MILR1: variants seen among roughly 807,000 people sequenced by gnomAD.
MILR1 encodes the protein allergin-1.
A neutral mutation model predicts 18.5 loss-of-function variants in MILR1; 31 were observed. The observed-to-expected ratio is 1.68, with a 90% CI of 1.26 to 2.26. MILR1 has a LOEUF of 2.26. Ranked by LOEUF, MILR1 falls within the 30% of genes most tolerant of loss-of-function variation. The pLI is 0.00. For synonymous variants in MILR1, 85 were observed against 56.2 expected (o/e 1.51, Z -2.30); for missense variants, 257 against 157.4 (o/e 1.63, Z -3.38).
At chr17:64,485,883 A>G in the MILR1 span, 2 of 1,613,652 alleles carry the variant, frequency 1.2e-6, no homozygotes, top group Non-Finnish European at 1.7e-6. Context: ...ACAGAAAAAC[A>G]GAAGAAAAAT....
At chr17:64,478,608 A>T in the MILR1 span, among the ~76,000 whole-genome samples, 1 of 152,202 alleles carries the variant, frequency 6.6e-6, no homozygotes, top group East Asian at 1.9e-4. Flanking sequence ...GCTTAACAAG[A>T]ATAGTATGGC....
At chr17:64,458,977 G>A (rs2037363833) in intron 4 of MILR1, among the ~76,000 whole-genome samples, 1 of 152,208 alleles carries the variant, frequency 6.6e-6, no homozygotes, top group Non-Finnish European at 1.5e-5. Flanking sequence ...CCCTTAGGGT[G>A]CAGGTCAGAG....
intron 4 of MILR1, among the ~76,000 whole-genome samples, chr17:64,459,439 A>AAAAAGG (rs151232267): frequency 1.7e-4 from 26 of 151,402 alleles, no homozygotes; most frequent in Non-Finnish European, 3.5e-4. Context: ...TGTCTCAAAG[A>AAAAAGG]AAAAAGAAAA....
chr17:64,495,660 T>A, the MILR1 span, among the ~76,000 whole-genome samples: 1 of 152,208 alleles, frequency 6.6e-6, no homozygotes, highest in Non-Finnish European at 1.5e-5. Flanking sequence ...ATATTATCTC[T>A]TCTTTTACAA....
chr17:64,469,590 G>A (rs1352766915), downstream of MILR1, among the ~76,000 whole-genome samples: 3 of 152,164 alleles, frequency 2.0e-5, no homozygotes, highest in Non-Finnish European at 4.4e-5. Context: ...GTAGAGACAG[G>A]GTTTTGCCAT....
At chr17:64,487,217 AAG>A in the MILR1 span, 1 of 152,238 alleles carries the variant, frequency 6.6e-6, no homozygotes, top group Non-Finnish European at 1.5e-5. Context: ...TGATACTTTA[AAG>A]ATTCACAAGA....
the MILR1 span, chr17:64,485,826 C>T: frequency 6.2e-7 from 1 of 1,613,630 alleles, no homozygotes; most frequent in Admixed American, 1.7e-5. Context: ...TCCCCATTTA[C>T]AGAGAGAACA....
At chr17:64,486,031 C>T in the MILR1 span, among the ~76,000 whole-genome samples, 6 of 152,220 alleles carry the variant, frequency 3.9e-5, no homozygotes, top group South Asian at 1.2e-3. Context: ...ATTCTCCTGC[C>T]TCAGCCTCCT....
intron 2 of MILR1, 78 bp from the exon 3 acceptor site, chr17:64,452,519 C>A: frequency 2.4e-6 from 1 of 411,204 alleles, no homozygotes. Context: ...GCCCAAAGTG[C>A]TGGGATTACA....
chr17:64,457,155 T>C (rs1367326775), intron 3 of MILR1, among the ~76,000 whole-genome samples: 4 of 152,184 alleles, frequency 2.6e-5, no homozygotes, highest in African/African-American at 9.7e-5. Context: ...AGCAGAGAGA[T>C]GCCCTCCACT....
chr17:64,468,287 GTCTC>G lies in MILR1; in HGVS notation c.*29-17_*29-14del, dbSNP rs559141132. 1.8e-3 allele frequency: 835 copies of G among 455,098 alleles called. 1 individual carries two copies. Among genetic ancestry groups the G allele is most frequent in the Non-Finnish European group, 2.7e-3 (606 of 226,648 alleles). The allele number at this position is 455,098 out of a possible 1,614,324, so 28.2% of individuals were successfully genotyped here. A position where few individuals can be genotyped will look rare whatever the true frequency, so the allele number is the denominator to read the frequency against. ...CACGTGGCCTTTTATATTCTCTCTT[GTCTC>G]TCTCTTTTTTTTTTTGAGATGGAGT... On this transcript the variant is annotated intron_variant, in intron 9 of 9. Coordinates refer to ENST00000619286, the MANE Select transcript of MILR1 (RefSeq NM_001085423.2).
rs147112682 is a variant in MILR1 at position 64,465,506 on chromosome 17, T to C, written c.818T>C (p.Val273Ala). The change falls in exon 6 of 10, where the codon GTT (valine) becomes GCT (alanine). Residue 273 changes from valine to alanine, a missense_variant. Val to Ala is a moderately conservative substitution (Grantham distance 64). Coordinates refer to ENST00000619286, the MANE Select transcript of MILR1 (RefSeq NM_001085423.2). Reference sequence around the variant, plus strand: ...GACCGTGGAGACACAGCCATGGAAGTTGGAATCTATGCAAATATCCTTGAA... The same window carrying C: ...GACCGTGGAGACACAGCCATGGAAGCTGGAATCTATGCAAATATCCTTGAA... ...PRDRGDTAME[V>A]GIYANILEKQ... The C allele has an allele frequency of 2.9e-5, 47 of 1,610,856 alleles. No homozygotes were observed. The East Asian group carries it at 1.0e-3, about 35-fold the overall frequency.
At chr17:64,481,775 T>A in the MILR1 span, among the ~76,000 whole-genome samples, 459 of 152,160 alleles carry the variant, frequency 3.0e-3, 1 homozygote, top group African/African-American at 0.011. Flanking sequence ...CTAGGGAGGC[T>A]GAGGCAGGAG....
At chr17:64,486,631 TG>T in the MILR1 span, among the ~76,000 whole-genome samples, 1 of 152,182 alleles carries the variant, frequency 6.6e-6, no homozygotes, top group Non-Finnish European at 1.5e-5. Context: ...CCCAAAGTGC[TG>T]GGATTACAGG....
At chr17:64,489,983 G>C in the MILR1 span, among the ~76,000 whole-genome samples, 1 of 151,184 alleles carries the variant, frequency 6.6e-6, no homozygotes, top group African/African-American at 2.4e-5. Context: ...GCAGTGCAGT[G>C]GCACGATCTT....
At chr17:64,494,140 C>G in the MILR1 span, among the ~76,000 whole-genome samples, 1 of 152,172 alleles carries the variant, frequency 6.6e-6, no homozygotes, top group Admixed American at 6.5e-5. Flanking sequence ...ATTTCCCTTG[C>G]CTCCTTTCCC....
At chr17:64,478,082 CAA>C in the MILR1 span, 2 of 1,313,984 alleles carry the variant, frequency 1.5e-6, no homozygotes, top group Non-Finnish European at 2.2e-6. Flanking sequence ...CATGCACTCT[CAA>C]GAGTCACAGA....
At chr17:64,486,702 T>A in the MILR1 span, among the ~76,000 whole-genome samples, 1 of 152,178 alleles carries the variant, frequency 6.6e-6, no homozygotes, top group Non-Finnish European at 1.5e-5. Flanking sequence ...TGTTTGCTGA[T>A]TATTCAAAAG....
intron 4 of MILR1, among the ~76,000 whole-genome samples, chr17:64,458,566 A>G (rs1049934909): frequency 1.3e-5 from 2 of 151,270 alleles, no homozygotes; most frequent in Non-Finnish European, 2.9e-5. Context: ...TTATTGCTCC[A>G]CTGCTAATGA....
Sources: allele counts gnomAD v4.1 joint callset (sites outside exome capture counted in the v4.1 genomes callset), GRCh38; gene constraint gnomAD v4.1.1; transcripts MANE v1.5; gene names NCBI Gene and HGNC (gene_info 2026-07-23, HGNC 2026-07-21).